OR51B5: variants seen among roughly 807,000 people sequenced by gnomAD.
OR51B5 encodes olfactory receptor 51B5.
For missense variants in OR51B5, 456 were observed against 374.6 expected (o/e 1.22, Z -1.79); for synonymous variants, 186 against 144.8 (o/e 1.28, Z -2.04).
intron 1 of OR51B5, chr11:5,392,159 G>C (rs971479298): frequency 6.6e-6 from 1 of 152,212 alleles, no homozygotes; most frequent in Non-Finnish European, 1.5e-5. Flanking sequence ...TCTTGTGTAT[G>C]TTTGTGTGGT....
upstream of OR51B5, among the ~76,000 whole-genome samples, chr11:5,346,656 G>A (rs10837871): frequency 1.3e-5 from 2 of 151,992 alleles, no homozygotes; most frequent in Admixed American, 6.6e-5. Flanking sequence ...GGTAGCACTT[G>A]GAATTGCTTT....
At chr11:5,467,018 G>C (rs1473954116) in intron 1 of OR51B5, among the ~76,000 whole-genome samples, 2 of 152,136 alleles carry the variant, frequency 1.3e-5, no homozygotes, top group East Asian at 3.8e-4. Context: ...TTGGGCTGAG[G>C]CTATATCCTT....
intron 1 of OR51B5, among the ~76,000 whole-genome samples, chr11:5,450,826 T>A (rs1412543948): frequency 6.6e-6 from 1 of 152,214 alleles, no homozygotes; most frequent in African/African-American, 2.4e-5. Flanking sequence ...GGTGTTTGGT[T>A]TTCTGTTCCT....
chr11:5,417,512 T>A (rs1850261600), intron 1 of OR51B5, among the ~76,000 whole-genome samples: 2 of 149,922 alleles, frequency 1.3e-5, no homozygotes, highest in African/African-American at 4.9e-5. Context: ...GGGAGAAAAT[T>A]TTCACAACCT....
intron 1 of OR51B5, among the ~76,000 whole-genome samples, chr11:5,360,679 G>C (rs1228373275): frequency 6.6e-6 from 1 of 151,964 alleles, no homozygotes; most frequent in Non-Finnish European, 1.5e-5. Context: ...CTGCTATAAA[G>C]ACACATGCAC....
intron 1 of OR51B5, among the ~76,000 whole-genome samples, chr11:5,396,252 T>C (rs1475349213): frequency 6.6e-6 from 1 of 152,216 alleles, no homozygotes; most frequent in African/African-American, 2.4e-5. Flanking sequence ...ATAAAAGGCA[T>C]TCAATTATGT....
intron 1 of OR51B5, among the ~76,000 whole-genome samples, chr11:5,452,598 T>TGGA (rs200719740): frequency 4.4e-4 from 59 of 132,654 alleles, no homozygotes; most frequent in Admixed American, 7.9e-4. Context: ...TTACGAGATA[T>TGGA]GGAGATATGG....
intron 1 of OR51B5, among the ~76,000 whole-genome samples, chr11:5,412,974 T>C (rs1162150386): frequency 1.4e-4 from 22 of 152,118 alleles, no homozygotes; most frequent in African/African-American, 1.9e-4. Flanking sequence ...GATCTGAGGA[T>C]GGGCAGACTG....
rs1848931784 is a variant in OR51B5 at position 5,343,244 on chromosome 11, GC to G, written c.280del (p.Ala94ProfsTer46). ...TATAAAGTAGGCCTGGGAAAAGCAG[GC>G]CGCACTTCCAATCTCCCTGTGATCC... On this transcript the variant is annotated frameshift_variant, in exon 1 of 1. Transcript: ENST00000300773. LOFTEE classifies it low-confidence loss of function (END_TRUNC). 6.2e-7 allele frequency: 1 copy of G among 1,613,752 alleles called. No individual in the cohort carries two copies. The highest frequency in any genetic ancestry group is 1.3e-5 in the African/African-American group (1 of 74,998).
chr11:5,383,159 T>C (rs1264512373), intron 1 of OR51B5, among the ~76,000 whole-genome samples: 1 of 152,120 alleles, frequency 6.6e-6, no homozygotes, highest in East Asian at 1.9e-4. Flanking sequence ...TTGTAAAGGC[T>C]ACTTGTTGTA....
intron 1 of OR51B5, among the ~76,000 whole-genome samples, chr11:5,492,964 C>A (rs1171128897): frequency 6.6e-6 from 1 of 152,114 alleles, no homozygotes; most frequent in Non-Finnish European, 1.5e-5. Context: ...CTTTAAACAG[C>A]AACAGAAACA....
intron 1 of OR51B5, chr11:5,454,156 G>C (rs746240729): frequency 1.2e-6 from 2 of 1,614,012 alleles, no homozygotes; most frequent in East Asian, 4.5e-5. Flanking sequence ...CTCATTCTGC[G>C]TTCTGTCATG....
intron 1 of OR51B5, among the ~76,000 whole-genome samples, chr11:5,504,550 G>C (rs1846346151): frequency 6.6e-6 from 1 of 152,128 alleles, no homozygotes; most frequent in South Asian, 2.1e-4. Context: ...GGAAGTCCTA[G>C]GAGGCCTGCT....
At chr11:5,436,154 G>A (rs1288399398) in intron 1 of OR51B5, among the ~76,000 whole-genome samples, 1 of 152,168 alleles carries the variant, frequency 6.6e-6, no homozygotes. Flanking sequence ...GGACACTGAA[G>A]GAATGAGTGA....
intron 1 of OR51B5, chr11:5,389,688 T>G (rs1849761713): frequency 6.2e-7 from 1 of 1,613,754 alleles, no homozygotes; most frequent in East Asian, 2.2e-5. Flanking sequence ...ATGGGGATCT[T>G]CTGGTTTAAC....
intron 1 of OR51B5, among the ~76,000 whole-genome samples, chr11:5,377,132 C>T (rs1211115358): frequency 2.6e-5 from 4 of 152,032 alleles, no homozygotes; most frequent in Non-Finnish European, 5.9e-5. Context: ...GGACTTCATC[C>T]CTGGGATGCA....
intron 1 of OR51B5, among the ~76,000 whole-genome samples, chr11:5,353,843 G>A (rs1849141732): frequency 6.6e-6 from 1 of 152,106 alleles, no homozygotes; most frequent in Non-Finnish European, 1.5e-5. Flanking sequence ...TAGGATTCTT[G>A]GGATGTATAA....
chr11:5,438,355 A>ACCC (rs35674866), intron 1 of OR51B5, among the ~76,000 whole-genome samples: 1,823 of 150,138 alleles, frequency 0.012, 29 homozygotes, highest in African/African-American at 0.04. Flanking sequence ...TCATAGCAAC[A>ACCC]CCCCCCCCCA....
chr11:5,341,479 T>C (rs894692336), downstream of OR51B5: 2 of 152,200 alleles, frequency 1.3e-5, no homozygotes, highest in Non-Finnish European at 2.9e-5. Flanking sequence ...TAGTCCCCTC[T>C]CTTGTCTCAC....
Sources: gnomAD v4.1 joint callset for allele counts (sites outside exome capture counted in the v4.1 genomes callset) on GRCh38, gnomAD v4.1.1 for gene constraint, MANE v1.5 for transcripts, NCBI Gene and HGNC (gene_info 2026-07-23, HGNC 2026-07-21) for gene names.